The following E4F1 variants were observed in gnomAD, a reference collection of about 807,000 sequenced individuals.
The protein encoded by E4F1 is E4F transcription factor 1.
E4F1 carries 30 observed loss-of-function variants against 72.9 expected under a neutral mutation model. The observed-to-expected ratio is 0.41, with a 90% CI of 0.31 to 0.56. The LOEUF (loss-of-function observed/expected upper bound fraction) is 0.56. E4F1 is among the 20% of genes least tolerant of loss of function. E4F1 has a pLI of 0.25. For missense variants in E4F1, 1,091 were observed against 1,117.5 expected, an observed-to-expected ratio of 0.98 and a Z score of 0.34; for synonymous variants, 542 against 478.2, an observed-to-expected ratio of 1.13 and a Z score of -1.74.
At chr16:2,223,946 A>G in intron 1 of E4F1, 176 bp downstream of exon 1, 1 of 1,525,110 alleles carries the variant, frequency 6.6e-7, no homozygotes, top group Non-Finnish European at 8.8e-7. Flanking sequence ...TGCGACCCTC[A>G]CGGGCCTCTC....
intron 8 of E4F1, 70 bp downstream of exon 8, chr16:2,233,717 C>T (rs954869100): frequency 4.0e-6 from 6 of 1,489,694 alleles, no homozygotes; most frequent in East Asian, 5.0e-5. Flanking sequence ...CGCTGGCCTT[C>T]GCCTCCCTGA....
Position 2,234,256 on chromosome 16 carries a change from T to G in E4F1, c.1461T>G (p.Arg487=). ...LLKKHQEVHV[R]ERRFRCGDCG... ...AGAAGCACCAGGAGGTGCACGTGCG[T>G]GAGCGCCGCTTCCGCTGTGGCGACT... Residue 487 remains arginine, a synonymous_variant, in exon 10 of 14, where the codon CGT becomes CGG. Transcript: ENST00000301727. 6.2e-7 allele frequency: 1 copy of G among 1,612,858 alleles called. No individual in the cohort carries two copies. Among genetic ancestry groups the G allele is most frequent in the South Asian group, 1.1e-5 (1 of 91,086 alleles).
chr16:2,227,060 A>G lies in E4F1; in HGVS notation c.158-1312A>G, dbSNP rs180969770. ...GTTTGTTTTGTTTTTGTTTCTTTTA[A>G]GGCAGGGTCTTGCCCTGTTGCCCTG... On this transcript the variant is annotated intron_variant, in intron 1 of 13. Transcript: ENST00000301727. 4.9e-3 allele frequency among the ~76,000 whole-genome samples: 740 copies of G among 152,284 alleles called. 4 individuals carry two copies. The highest frequency in any genetic ancestry group is 7.5e-3 in the Non-Finnish European group (508 of 68,026).
chr16:2,233,126 C>T lies in E4F1; in HGVS notation c.999C>T (p.His333=), dbSNP rs374953286. The T allele has an allele frequency of 2.7e-4, 431 of 1,612,412 alleles. 6 individuals carry two copies. The South Asian group carries it at 4.3e-3, about 16-fold the overall frequency. The change falls in exon 7 of 14, where the codon CAC becomes CAT. Residue 333 remains histidine, a synonymous_variant. Coordinates refer to ENST00000301727, the MANE Select transcript of E4F1 (RefSeq NM_004424.5). ...LVTDAKGTVI[H]EVHVQMQELS... is the part of the protein sequence containing the mutation. ...CAGATGCCAAGGGCACCGTCATCCA[C>T]GAAGTCCACGTCCAGATGCAGGAGC...
chr16:2,224,747 C>T (rs1217798886), intron 1 of E4F1, among the ~76,000 whole-genome samples: 2 of 152,128 alleles, frequency 1.3e-5, no homozygotes, highest in Non-Finnish European at 2.9e-5. Flanking sequence ...CGCGCCACTG[C>T]ACTCCAGCCT....
At chr16:2,233,310 G>A (rs1283076013) in intron 7 of E4F1, 127 bp downstream of exon 7, 4 of 1,450,888 alleles carry the variant, frequency 2.8e-6, no homozygotes, top group Non-Finnish European at 3.7e-6. Context: ...CACAGGGAGA[G>A]CAGGGCCAGT....
In E4F1 at chr16:2,234,564, C is replaced by T; in HGVS notation, c.1594-19C>T. ...TGTTGTGGCCAAGGCCAGGCTGGCA[C>T]TGACAGGTGTCTCCACAGAACGCAC... On this transcript the variant is annotated intron_variant, in intron 10 of 13. Transcript: ENST00000301727. 2 of 1,566,826 alleles carry T rather than the reference C, an allele frequency of 1.3e-6. No individual in the cohort carries two copies. Among genetic ancestry groups the T allele is most frequent in the Non-Finnish European group, 1.7e-6 (2 of 1,155,164 alleles).
Position 2,233,471 on chromosome 16 carries a change from G to T in E4F1, c.1090G>T (p.Glu364Ter). Residue 364 changes from glutamate to a stop codon, truncating the protein, a stop_gained, in exon 8 of 14, where the codon GAG (glutamate) becomes TAG (stop). Transcript: ENST00000301727. LOFTEE classifies it high-confidence loss of function. ...CTCCCAGGAGCTCCCCTGCTCCAGCGAGGGCAGCCGTGAGAACCTGCTGCA... is the reference window on the plus strand; with the variant it reads ...CTCCCAGGAGCTCCCCTGCTCCAGCTAGGGCAGCCGTGAGAACCTGCTGCA... ...PVSQELPCSS[E>*]GSRENLLHQA... The T allele has an allele frequency of 1.3e-6, 2 of 1,505,300 alleles. No homozygotes were observed. Among genetic ancestry groups the T allele is most frequent in the Non-Finnish European group, 1.8e-6 (2 of 1,130,998 alleles). 93.2% of individuals were successfully genotyped at this position (1,505,300 alleles called of 1,614,324 possible).
In E4F1 at chr16:2,234,366, G is replaced by A; in HGVS notation, c.1571G>A (p.Cys524Tyr). The A allele has an allele frequency of 6.2e-7, 1 of 1,612,948 alleles. No homozygotes were observed. The highest frequency in any genetic ancestry group is 8.5e-7 in the Non-Finnish European group (1 of 1,179,978). The change falls in exon 10 of 14, where the codon TGT becomes TAT. Residue 524 changes from cysteine (C) to tyrosine (Y), a missense_variant. Around this residue, in one of 5 missense-constraint regions of E4F1, gnomAD observed 622 missense variants for 628.0 expected, o/e 0.99. Transcript: ENST00000301727. ...GAGCGGCCCTACCCTTGTCCCAAGT[G>A]TGGCAAGCGCTACAAGACTAAGGTG... is the stretch of plus-strand genomic sequence containing the variant. The part of the protein sequence containing the change: ...SDERPYPCPK[C>Y]GKRYKTKNAQ...
At position 2,234,290 on chromosome 16, in the gene E4F1, C is replaced by T. The variant is rs374527304; in HGVS notation, c.1495C>T (p.Leu499Phe). ...CTTCCGCTGTGGCGACTGCGGGAAG[C>T]TCTACAAGACCATTGCCCATGTGCG... is the stretch of plus-strand genomic sequence containing the variant. ...RRFRCGDCGK[L>F]YKTIAHVRGH... Residue 499 changes from leucine (L) to phenylalanine (F), a missense_variant, in exon 10 of 14, where the codon CTC becomes TTC. By Grantham distance (22) the Leu-to-Phe change is conservative. Transcript: ENST00000301727. The T allele has an allele frequency of 6.3e-5, 102 of 1,612,866 alleles. No homozygotes were observed. The highest frequency in any genetic ancestry group is 8.4e-5 in the Non-Finnish European group (99 of 1,180,002).
Position 2,235,539 on chromosome 16 carries a change from G to A in E4F1, c.2322G>A (p.Glu774=). 3 of 1,603,408 alleles carry A rather than the reference G, an allele frequency of 1.9e-6. No homozygotes were observed. The South Asian group carries it at 3.3e-5, about 18-fold the overall frequency. Residue 774 remains glutamate (E), a synonymous_variant, in exon 14 of 14, where the codon GAG becomes GAA. Coordinates refer to ENST00000301727, the MANE Select transcript of E4F1 (RefSeq NM_004424.5). ...GCGAGCTGGTCATCGCCTCGCCGGA[G>A]GGCCAGCTGGAGGTGCAGACGGTCA... ...HAGELVIASP[E]GQLEVQTVIV
At chr16:2,230,068 C>T (rs555333337) in intron 3 of E4F1, 33 of 268,158 alleles carry the variant, frequency 1.2e-4, no homozygotes, top group African/African-American at 6.5e-4. Context: ...CGCCCAGCAG[C>T]GGCTCTGGAG....
At chr16:2,227,231 A>G (rs1281961791) in intron 1 of E4F1, among the ~76,000 whole-genome samples, 4 of 151,808 alleles carry the variant, frequency 2.6e-5, no homozygotes, top group Non-Finnish European at 5.9e-5. Context: ...GTTTTTTGAG[A>G]TGGAGTCTCT....
chr16:2,224,699 C>T (rs2093421119), intron 1 of E4F1, among the ~76,000 whole-genome samples: 1 of 151,886 alleles, frequency 6.6e-6, no homozygotes, highest in African/African-American at 2.4e-5. Context: ...CGGAGAATGG[C>T]GTGAACTCGG....
chr16:2,228,361 G>T lies in E4F1; in HGVS notation c.158-11G>T, dbSNP rs1384772990. On this transcript the variant is annotated splice_polypyrimidine_tract_variant and intron_variant, in intron 1 of 13. Transcript: ENST00000301727. ...CCTTCCCAGGCCCTGCTGACAGCAG[G>T]CTCGTTGCAGATGAGGACGATGTGC... 1 of 1,613,594 alleles carries T rather than the reference G, an allele frequency of 6.2e-7. No individual in the cohort carries two copies. The highest frequency in any genetic ancestry group is 1.3e-5 in the African/African-American group (1 of 75,074).
Position 2,223,846 on chromosome 16 carries a change from G to C in E4F1, c.157+76G>C, listed in dbSNP as rs762939643. On this transcript the variant is annotated intron_variant, in intron 1 of 13. Transcript: ENST00000301727. ...GGGCTGGCAGAGGCCCGGATGGCCC[G>C]AGCTGCGGGCTCGACCGACCCTCCC... 2.6e-6 allele frequency: 4 copies of C among 1,530,968 alleles called. No individual in the cohort carries two copies. In the African/African-American group the frequency reaches 4.2e-5, roughly 16 times the overall value. The allele number at this position is 1,530,968 out of a possible 1,614,324, so 94.8% of individuals were successfully genotyped here. A position where few individuals can be genotyped will look rare whatever the true frequency, so the allele number is the denominator to read the frequency against.
chr16:2,232,601 G>T (rs1056877241), intron 5 of E4F1, 25 bp downstream of exon 5: 28 of 1,610,378 alleles, frequency 1.7e-5, no homozygotes, highest in Non-Finnish European at 2.3e-5. Context: ...CCTCGGGCTG[G>T]AGCCCGGTAG....
rs141255210 is a variant in E4F1 at position 2,229,613 on chromosome 16, C to A, written c.353C>A (p.Ala118Asp). ...APGPEEPITV[A>D]HIVVEAASLA... ...GGCCCAGAGGAGCCCATCACTGTGG[C>A]CCACATCGTGGTGGAGGCGGCCTCT... Residue 118 changes from alanine to aspartate, a missense_variant, in exon 3 of 14, where the codon GCC (alanine) becomes GAC (aspartate). This residue lies in a region of E4F1 where 362 missense variants were observed against 358.6 expected (regional missense o/e 1.01). Transcript: ENST00000301727. The A allele has an allele frequency of 1.5e-3, 2,362 of 1,612,598 alleles. 2 individuals carry two copies. The highest frequency in any genetic ancestry group is 1.9e-3 in the Non-Finnish European group (2,208 of 1,179,996).
intron 1 of E4F1, among the ~76,000 whole-genome samples, chr16:2,225,816 C>T (rs1251675855): frequency 6.9e-6 from 1 of 143,970 alleles, no homozygotes; most frequent in Non-Finnish European, 1.5e-5. Context: ...AAAAAAAAGG[C>T]TGGGCGCAAT....
Sources: gnomAD v4.1 joint callset for allele counts (sites outside exome capture counted in the v4.1 genomes callset) on GRCh38, gnomAD v4.1.1 for gene constraint, gnomAD v4.1.1 regional missense constraint, MANE v1.5 for transcripts, NCBI Gene and HGNC (gene_info 2026-07-23, HGNC 2026-07-21) for gene names.